The following EYA3 variants were observed in gnomAD, a reference collection of about 807,000 sequenced individuals.
The protein encoded by EYA3 is protein phosphatase EYA3.
EYA3 carries 39 observed loss-of-function variants against 80.0 expected under a neutral mutation model. That is an observed-to-expected ratio of 0.49 (90% CI 0.38 to 0.64). The LOEUF (loss-of-function observed/expected upper bound fraction) is 0.64, where lower values mean the gene tolerates loss of function less well. EYA3 is among the 30% of genes least tolerant of loss of function. The pLI is 0.00. For missense variants in EYA3, 523 were observed against 676.1 expected (o/e 0.77, Z 2.51); for synonymous variants, 206 against 232.8 (o/e 0.88, Z 1.05).
intron 5 of EYA3, among the ~76,000 whole-genome samples, chr1:28,036,449 G>C (rs186154025): frequency 1.7e-4 from 26 of 152,312 alleles, no homozygotes; most frequent in African/African-American, 5.8e-4. Context: ...CTGGAAAAGC[G>C]GGTGAGGCTG....
At chr1:27,989,582 T>C (rs1473115790) in intron 15 of EYA3, 115 bp downstream of exon 15, 1 of 546,734 alleles carries the variant, frequency 1.8e-6, no homozygotes, top group East Asian at 3.2e-5. Flanking sequence ...CCCTACATCA[T>C]TTAAACTCCT....
chr1:28,051,052 A>G (rs905848157), intron 2 of EYA3, among the ~76,000 whole-genome samples: 1 of 152,204 alleles, frequency 6.6e-6, no homozygotes, highest in African/African-American at 2.4e-5. Flanking sequence ...CAAAACCAGT[A>G]TAGATTATAC....
intron 11 of EYA3, among the ~76,000 whole-genome samples, chr1:28,003,492 C>CAAACAAACAAACAAACAA (rs796294707): frequency 2.6e-5 from 4 of 151,928 alleles, no homozygotes; most frequent in African/African-American, 9.7e-5. Context: ...AACAAACAAA[C>CAAACAAACAAACAAACAA]AAACAAAAAA....
chr1:28,071,321 T>G (rs1557643861), intron 1 of EYA3, among the ~76,000 whole-genome samples: 1 of 152,226 alleles, frequency 6.6e-6, no homozygotes, highest in African/African-American at 2.4e-5. Context: ...TTATCTTAAA[T>G]AACAATCTTA....
chr1:28,035,630 C>T lies in EYA3; in HGVS notation c.275G>A (p.Gly92Glu). Reference sequence around the variant, plus strand: ...CTGTAGTGTCTGGTATTGAGTCTGTCCAGGGTAAGCAGTTTCCGAAACAGG... The same window carrying T: ...CTGTAGTGTCTGGTATTGAGTCTGTTCAGGGTAAGCAGTTTCCGAAACAGG... The part of the protein sequence containing the change: ...SVPVSETAYP[G>E]QTQYQTLQQT... The change falls in exon 6 of 18, where the codon GGA (glycine) becomes GAA (glutamate). Residue 92 changes from glycine (G) to glutamate (E), a missense_variant. Gly to Glu is a moderately conservative substitution (Grantham distance 98). Coordinates refer to ENST00000373871, the MANE Select transcript of EYA3 (RefSeq NM_001990.4). The T allele has an allele frequency of 1.9e-6, 3 of 1,613,942 alleles. No homozygotes were observed. Among genetic ancestry groups the T allele is most frequent in the Non-Finnish European group, 2.5e-6 (3 of 1,179,956 alleles).
chr1:28,015,958 G>T (rs1642030070), intron 8 of EYA3, among the ~76,000 whole-genome samples: 1 of 152,128 alleles, frequency 6.6e-6, no homozygotes. Flanking sequence ...TACATATGTT[G>T]AACTTAGGGA....
rs115181599 is a variant in EYA3 at position 27,971,999 on chromosome 1, T to G, written c.*2467A>C. The G allele has an allele frequency of 1.3e-5, 2 of 152,250 alleles. No individual in the cohort carries two copies. Among genetic ancestry groups the G allele is most frequent in the Middle Eastern group, 3.4e-3 (1 of 294 alleles). The allele number at this position is 152,250 out of a possible 1,614,324, so 9.4% of individuals were successfully genotyped here. ...AAGTTCCTTTTGGAAAGAGCTAAGC[T>G]AGGAAGTCAGAGTAAGAGGAAAAAG... On this transcript the variant is annotated 3_prime_UTR_variant, in exon 18 of 18. Coordinates refer to ENST00000373871, the MANE Select transcript of EYA3 (RefSeq NM_001990.4).
At chr1:28,041,251 C>T (rs1209935642) in intron 4 of EYA3, among the ~76,000 whole-genome samples, 2 of 152,170 alleles carry the variant, frequency 1.3e-5, no homozygotes, top group East Asian at 3.9e-4. Flanking sequence ...GTAATTCCAG[C>T]TATTCGGAAG....
intron 17 of EYA3, among the ~76,000 whole-genome samples, chr1:27,977,747 C>A (rs1458025797): frequency 4.0e-5 from 6 of 151,030 alleles, no homozygotes; most frequent in Admixed American, 3.3e-4. Flanking sequence ...ACTTGGGAGG[C>A]TGAGGAAGGA....
At chr1:28,055,185 T>C (rs1477497911) in intron 2 of EYA3, among the ~76,000 whole-genome samples, 1 of 152,228 alleles carries the variant, frequency 6.6e-6, no homozygotes, top group Non-Finnish European at 1.5e-5. Flanking sequence ...ATGATGTTAC[T>C]TCTTCAGGGA....
chr1:28,015,971 C>T (rs1249166761), intron 8 of EYA3, among the ~76,000 whole-genome samples: 1 of 152,046 alleles, frequency 6.6e-6, no homozygotes, highest in African/African-American at 2.4e-5. Context: ...CTTAGGGAAA[C>T]AGCAAGACAT....
intron 1 of EYA3, among the ~76,000 whole-genome samples, chr1:28,084,874 G>A (rs1012227261): frequency 6.6e-6 from 1 of 151,502 alleles, no homozygotes; most frequent in Non-Finnish European, 1.5e-5. Flanking sequence ...CTCCCAAAGT[G>A]CTGACTATTC....
At chr1:27,985,762 A>C (rs1639614016) in intron 16 of EYA3, among the ~76,000 whole-genome samples, 1 of 151,932 alleles carries the variant, frequency 6.6e-6, no homozygotes, top group Non-Finnish European at 1.5e-5. Context: ...TTGTATTTTT[A>C]GTAGAGAGGG....
chr1:27,991,381 A>C (rs1029932794), intron 14 of EYA3, among the ~76,000 whole-genome samples: 1 of 152,218 alleles, frequency 6.6e-6, no homozygotes, highest in African/African-American at 2.4e-5. Flanking sequence ...CTTCTGAAAC[A>C]ACTCCAACTG....
chr1:28,085,217 G>A (rs566127773), intron 1 of EYA3, among the ~76,000 whole-genome samples: 18 of 152,196 alleles, frequency 1.2e-4, no homozygotes, highest in Non-Finnish European at 2.4e-4. Flanking sequence ...TTGAGAGCCC[G>A]AGGCAGGCAG....
At chr1:28,053,153 C>CAAAAAAAAAAAAAA (rs34075939) in intron 2 of EYA3, among the ~76,000 whole-genome samples, 4 of 72,520 alleles carry the variant, frequency 5.5e-5, no homozygotes, top group Admixed American at 1.9e-4. Flanking sequence ...GACCCCGTCT[C>CAAAAAAAAAAAAAA]AAAAAAAAAA....
chr1:28,031,015 A>G (rs972863406), intron 6 of EYA3, among the ~76,000 whole-genome samples: 22 of 152,328 alleles, frequency 1.4e-4, no homozygotes, highest in Admixed American at 3.3e-4. Context: ...TTTTTACACT[A>G]TATGAAAATA....
At chr1:27,975,225 A>G (rs529375553) in intron 17 of EYA3, among the ~76,000 whole-genome samples, 3 of 152,296 alleles carry the variant, frequency 2.0e-5, no homozygotes, top group Admixed American at 2.0e-4. Flanking sequence ...TCTGTCACCC[A>G]GGCTGGAGTG....
intron 7 of EYA3, among the ~76,000 whole-genome samples, chr1:28,026,778 G>A (rs539291281): frequency 2.6e-5 from 4 of 151,380 alleles, no homozygotes; most frequent in Non-Finnish European, 4.4e-5. Flanking sequence ...AAAAAGAAGA[G>A]GAAACAAGTG....
Sources: gnomAD v4.1 joint callset for allele counts (sites outside exome capture counted in the v4.1 genomes callset) on GRCh38, gnomAD v4.1.1 for gene constraint, MANE v1.5 for transcripts, NCBI Gene and HGNC (gene_info 2026-07-23, HGNC 2026-07-21) for gene names.